Variants in RRBP1 observed in about 807,000 individuals in gnomAD.
RRBP1 encodes the protein ribosome binding protein 1.
A neutral mutation model predicts 165.2 loss-of-function variants in RRBP1; 94 were observed. The ratio of observed to expected loss-of-function variants is 0.57; its 90% CI spans 0.48 to 0.68. The LOEUF (loss-of-function observed/expected upper bound fraction) is 0.68. Among genes scored for constraint, RRBP1 ranks in the 30% least tolerant of loss-of-function variants. The pLI is 0.00. For synonymous variants in RRBP1, 680 were observed against 714.5 expected, an observed-to-expected ratio of 0.95 and a Z score of 0.77; for missense variants, 1,676 against 1,763.0, an observed-to-expected ratio of 0.95 and a Z score of 0.88.
chr20:17,677,177 C>A (rs1007113584), intron 2 of RRBP1, among the ~76,000 whole-genome samples: 1 of 152,146 alleles, frequency 6.6e-6, no homozygotes, highest in African/African-American at 2.4e-5. Context: ...CACAGGGCAC[C>A]AGTTTGGAAT....
chr20:17,681,102 G>A (rs557536727), intron 1 of RRBP1, among the ~76,000 whole-genome samples: 1 of 151,548 alleles, frequency 6.6e-6, no homozygotes, highest in African/African-American at 2.4e-5. Flanking sequence ...CGGCCGGGCC[G>A]GGGCGGGCAC....
intron 5 of RRBP1, among the ~76,000 whole-genome samples, chr20:17,639,731 T>C (rs1026775849): frequency 1.3e-5 from 2 of 152,020 alleles, no homozygotes; most frequent in Admixed American, 6.6e-5. Flanking sequence ...CCGTCTCTAC[T>C]AAAAATACAC....
intron 1 of RRBP1, among the ~76,000 whole-genome samples, chr20:17,681,692 C>A (rs1345429538): frequency 6.7e-6 from 1 of 150,238 alleles, no homozygotes; most frequent in African/African-American, 2.4e-5. Context: ...GCGCGCTGGC[C>A]GGCCCGACGG....
At chr20:17,615,615 A>G in intron 22 of RRBP1, 86 bp from the exon 23 acceptor site, 1 of 1,149,690 alleles carries the variant, frequency 8.7e-7, no homozygotes, top group Non-Finnish European at 1.2e-6. Context: ...CCTGGGGACC[A>G]GGGGGCCCCC....
intron 9 of RRBP1, among the ~76,000 whole-genome samples, chr20:17,629,160 G>C (rs2036095326): frequency 6.6e-6 from 1 of 152,262 alleles, no homozygotes; most frequent in Admixed American, 6.5e-5. Flanking sequence ...TGTCCTTGCA[G>C]GTGACTCTGT....
chr20:17,658,255 T>A (rs553266536), intron 3 of RRBP1, among the ~76,000 whole-genome samples: 4 of 152,330 alleles, frequency 2.6e-5, no homozygotes, highest in African/African-American at 9.6e-5. Context: ...TGCCCTTTTG[T>A]GCCTCTGTTG....
chr20:17,652,091 T>C (rs968448525), intron 3 of RRBP1, among the ~76,000 whole-genome samples: 2 of 152,202 alleles, frequency 1.3e-5, no homozygotes, highest in Non-Finnish European at 2.9e-5. Flanking sequence ...ATCTGTCCTG[T>C]GCTATGGGCC....
chr20:17,659,790 T>C lies in RRBP1; in HGVS notation c.718A>G (p.Lys240Glu). ...TGGTTTGGGGTTCCCTCTGCCTTTT[T>C]CCCTTGGTTTGGGGTTCCCTCTGTC... Reference protein sequence around the residue: ...KKTEGTPNQGKKAEGTPNQGK... With the variant: ...KKTEGTPNQGEKAEGTPNQGK... The change falls in exon 3 of 25, where the codon AAA (lysine) becomes GAA (glutamate). Residue 240 changes from lysine to glutamate, a missense_variant. This residue lies in a region of RRBP1 where 392 missense variants were observed against 382.5 expected (regional missense o/e 1.02). Transcript: ENST00000377813. The C allele has an allele frequency of 1.3e-6, 2 of 1,550,812 alleles. No homozygotes were observed. The highest frequency in any genetic ancestry group is 1.7e-6 in the Non-Finnish European group (2 of 1,146,948).
At position 17,620,359 on chromosome 20, in the gene RRBP1, T is replaced by C. The variant is rs544473053; in HGVS notation, c.3519A>G (p.Thr1173=). 4.3e-6 allele frequency: 7 copies of C among 1,613,732 alleles called. No homozygotes were observed. In the South Asian group the frequency reaches 4.4e-5, roughly 10 times the overall value. ...CTACAATCTCTTCGAGATGCTTCACTGTGACCCGGGACTACAAAGCAAGGG... is the reference window on the plus strand; with the variant it reads ...CTACAATCTCTTCGAGATGCTTCACCGTGACCCGGGACTACAAAGCAAGGG... ...AEEELQKSRV[T]VKHLEEIVEK... is the part of the protein sequence containing the mutation. The change falls in exon 18 of 25, where the codon ACA becomes ACG. Residue 1173 remains threonine (T), a synonymous_variant. Coordinates refer to ENST00000377813, the MANE Select transcript of RRBP1 (RefSeq NM_001365613.2).
At chr20:17,619,788 C>G in intron 18 of RRBP1, 60 bp from the exon 19 acceptor site, 1 of 1,293,168 alleles carries the variant, frequency 7.7e-7, no homozygotes, top group Non-Finnish European at 1.1e-6. Flanking sequence ...AAAGGGCACT[C>G]ACCTCAGGGA....
At chr20:17,664,221 T>G (rs975098506) in intron 2 of RRBP1, among the ~76,000 whole-genome samples, 4 of 152,162 alleles carry the variant, frequency 2.6e-5, no homozygotes, top group African/African-American at 4.8e-5. Flanking sequence ...ATCTGAAAGC[T>G]GAGAGGGCCA....
intron 2 of RRBP1, among the ~76,000 whole-genome samples, chr20:17,661,863 G>A (rs531897325): frequency 9.8e-5 from 15 of 152,308 alleles, no homozygotes; most frequent in African/African-American, 3.6e-4. Context: ...GGTTATAGAG[G>A]AAGGAAACAG....
rs779971870 is a variant in RRBP1 at position 17,636,759 on chromosome 20, G to C, written c.2185-30C>G. The C allele has an allele frequency of 1.8e-5, 29 of 1,610,994 alleles. No individual in the cohort carries two copies. The Admixed American group carries it at 4.8e-4, about 27-fold the overall frequency. On this transcript the variant is annotated intron_variant, in intron 5 of 24. Coordinates refer to ENST00000377813, the MANE Select transcript of RRBP1 (RefSeq NM_001365613.2). ...GGGGAAAGTAGCAGAGAGAGGGGCT[G>C]GTAAGCCTTGCAGGGCAGGAGCCTA...
In RRBP1 at chr20:17,619,480, G is replaced by A. The variant is rs80014041; in HGVS notation, c.3675+153C>T. 6.0e-3 allele frequency: 3,191 copies of A among 534,658 alleles called. 79 individuals carry two copies. The highest frequency in any genetic ancestry group is 0.056 in the African/African-American group (2,899 of 51,596). The allele number at this position is 534,658 out of a possible 1,614,324, so 33.1% of individuals were successfully genotyped here. ...GACACCTCAGGCCTGACAGCCCAAC[G>A]AGGGGCCTGTGAGGCTTCGGGCAAA... is the stretch of plus-strand genomic sequence containing the variant. On this transcript the variant is annotated intron_variant, in intron 19 of 24. Transcript: ENST00000377813.
chr20:17,621,952 GGGGT>G lies in RRBP1; in HGVS notation c.3148-9_3148-6del. On this transcript the variant is annotated splice_region_variant and splice_polypyrimidine_tract_variant and intron_variant, in intron 13 of 24. Coordinates refer to ENST00000377813, the MANE Select transcript of RRBP1 (RefSeq NM_001365613.2). ...GAGCTGCTTCTCCGATTCCTCCTGG[GGGGT>G]GGGTGGGGAAGAGCGGAAGGTGTTC... 2 of 1,608,980 alleles carry G rather than the reference GGGGT, an allele frequency of 1.2e-6. No individual in the cohort carries two copies. The highest frequency in any genetic ancestry group is 1.7e-6 in the Non-Finnish European group (2 of 1,176,130).
rs1438747615 is a variant in RRBP1, at chr20:17,659,498, T to C, written c.1010A>G (p.Asn337Ser). 2 of 1,546,738 alleles carry C rather than the reference T, an allele frequency of 1.3e-6. No individual in the cohort carries two copies. The highest frequency in any genetic ancestry group is 2.0e-5 in the Admixed American group (1 of 50,678). The stretch of plus-strand genomic sequence containing the variant: ...GGCCCCCTCGGCCTTCTTGCCCTGA[T>C]TCTGGGCCCCCTCGGCCTTCTTGCC... ...NQGKKAEGAQ[N>S]QGKKAEGAQN... The change falls in exon 3 of 25, where the codon AAT becomes AGT. Residue 337 changes from asparagine to serine, a missense_variant. Physicochemically the swap from Asn to Ser is conservative, Grantham distance 46 (BLOSUM62 1). Coordinates refer to ENST00000377813, the MANE Select transcript of RRBP1 (RefSeq NM_001365613.2).
At position 17,614,015 on chromosome 20, in the gene RRBP1, G is replaced by A. The variant is rs2035741853; in HGVS notation, c.*167C>T. ...AGGTTCATTTACAAACTGGGGCTCT[G>A]GAAGGTCTACTTCTGTGGCTCTAAG... On this transcript the variant is annotated 3_prime_UTR_variant, in exon 25 of 25. Transcript: ENST00000377813. The A allele has an allele frequency of 3.0e-6, 2 of 670,140 alleles. No homozygotes were observed. Among genetic ancestry groups the A allele is most frequent in the Non-Finnish European group, 5.4e-6 (2 of 372,644 alleles). 41.5% of individuals were successfully genotyped at this position (670,140 alleles called of 1,614,324 possible). A position where few individuals can be genotyped will look rare whatever the true frequency, so the allele number is the denominator to read the frequency against.
chr20:17,678,273 C>T (rs2037118580), intron 2 of RRBP1, among the ~76,000 whole-genome samples: 1 of 152,188 alleles, frequency 6.6e-6, no homozygotes, highest in South Asian at 2.1e-4. Context: ...TAAATATTTA[C>T]CTTCCCTTAC....
chr20:17,645,973 C>G (rs899428845), intron 3 of RRBP1, among the ~76,000 whole-genome samples: 35 of 152,168 alleles, frequency 2.3e-4, no homozygotes, highest in Non-Finnish European at 3.2e-4. Context: ...GACCAGGGAG[C>G]AGGAGACCCA....
Sources: gnomAD v4.1 joint callset for allele counts (sites outside exome capture counted in the v4.1 genomes callset) on GRCh38, gnomAD v4.1.1 for gene constraint, gnomAD v4.1.1 regional missense constraint, MANE v1.5 for transcripts, NCBI Gene and HGNC (gene_info 2026-07-23, HGNC 2026-07-21) for gene names.